MRTFA: variants seen among roughly 807,000 people sequenced by gnomAD.
MRTFA encodes myocardin related transcription factor A.
MRTFA carries 20 observed loss-of-function variants against 83.5 expected under a neutral mutation model. The observed-to-expected ratio is 0.24, with a 90% CI of 0.17 to 0.35. The LOEUF (loss-of-function observed/expected upper bound fraction) is 0.35. MRTFA is among the 10% of genes least tolerant of loss of function. The pLI is 1.00. For missense variants in MRTFA, 1,200 were observed against 1,224.7 expected (o/e 0.98, Z 0.30); for synonymous variants, 659 against 541.2 (o/e 1.22, Z -3.02).
intron 2 of MRTFA, among the ~76,000 whole-genome samples, chr22:40,591,112 C>T (rs879496845): frequency 7.9e-5 from 12 of 151,818 alleles, no homozygotes; most frequent in African/African-American, 2.7e-4. Context: ...TCCAGCCTGG[C>T]GACAGAGCGA....
chr22:40,520,021 C>T (rs1418232556), intron 3 of MRTFA, among the ~76,000 whole-genome samples: 2 of 152,326 alleles, frequency 1.3e-5, no homozygotes, highest in Admixed American at 6.5e-5. Flanking sequence ...CTGACAATTG[C>T]ATATGCCTGT....
chr22:40,521,828 A>C (rs1053134424), intron 3 of MRTFA: 5 of 151,382 alleles, frequency 3.3e-5, no homozygotes, highest in Admixed American at 1.3e-4. Context: ...GTACAAGGTA[A>C]GAGTCAATGT....
intron 9 of MRTFA, among the ~76,000 whole-genome samples, chr22:40,421,893 T>C (rs1473535343): frequency 6.6e-6 from 1 of 152,084 alleles, no homozygotes; most frequent in Non-Finnish European, 1.5e-5. Flanking sequence ...CTAGACCTTG[T>C]GGCAATGAGG....
chr22:40,553,788 G>A (rs1602420992), intron 2 of MRTFA, among the ~76,000 whole-genome samples: 1 of 152,266 alleles, frequency 6.6e-6, no homozygotes, highest in African/African-American at 2.4e-5. Context: ...CCAGACCCCA[G>A]AATGGTAGAT....
chr22:40,627,718 A>AGCG (rs2147446390), intron 1 of MRTFA, among the ~76,000 whole-genome samples: 1 of 152,326 alleles, frequency 6.6e-6, no homozygotes, highest in East Asian at 1.9e-4. Context: ...GGCCAGGCAC[A>AGCG]GCGGCTCATG....
chr22:40,634,881 T>C (rs2056677855), intron 1 of MRTFA, among the ~76,000 whole-genome samples: 1 of 152,232 alleles, frequency 6.6e-6, no homozygotes, highest in Non-Finnish European at 1.5e-5. Context: ...TTTTGGGTGA[T>C]GGGATACATA....
In MRTFA at chr22:40,418,577, C is replaced by T. The variant is rs202029832; in HGVS notation, c.2161G>A (p.Val721Met). ...TGCAAGGCTTCCTGCTTCACCACCA[C>T]GGACGGGGGCCCCGGGGCCACAGCA... Residue 721 changes from valine (V) to methionine (M), a missense_variant, in exon 12 of 15, where the codon GTG (valine) becomes ATG (methionine). Val to Met is a conservative substitution (Grantham distance 21). This residue lies in a region of MRTFA where 1,107 missense variants were observed against 1,041.8 expected (regional missense o/e 1.06). Coordinates refer to ENST00000355630, the MANE Select transcript of MRTFA (RefSeq NM_020831.6). 8.7e-5 allele frequency: 135 copies of T among 1,554,192 alleles called. 1 individual carries two copies. Among genetic ancestry groups the T allele is most frequent in the East Asian group, 2.7e-4 (12 of 44,586 alleles).
At chr22:40,526,873 G>T (rs2054983659) in intron 3 of MRTFA, among the ~76,000 whole-genome samples, 1 of 152,124 alleles carries the variant, frequency 6.6e-6, no homozygotes, top group Non-Finnish European at 1.5e-5. Context: ...GCAGAGGTGG[G>T]AGGACTGCTT....
intron 2 of MRTFA, among the ~76,000 whole-genome samples, chr22:40,559,282 AGGC>A (rs963120167): frequency 9.9e-5 from 15 of 152,076 alleles, no homozygotes; most frequent in Non-Finnish European, 2.2e-4. Context: ...GCTACTCCTG[AGGC>A]TGAGGTAAGA....
At chr22:40,489,707 G>A (rs1330159608) in intron 3 of MRTFA, among the ~76,000 whole-genome samples, 1 of 152,064 alleles carries the variant, frequency 6.6e-6, no homozygotes, top group Non-Finnish European at 1.5e-5. Flanking sequence ...AGCCGGGCAT[G>A]GTGGCTCACT....
chr22:40,569,576 T>C (rs997228493), intron 2 of MRTFA: 5 of 152,096 alleles, frequency 3.3e-5, no homozygotes, highest in African/African-American at 1.2e-4. Flanking sequence ...ATACAAAAAT[T>C]AGTTGGGCAC....
chr22:40,415,201 G>GT (rs1456228837), intron 14 of MRTFA: 1 of 152,408 alleles, frequency 6.6e-6, no homozygotes, highest in Non-Finnish European at 1.5e-5. Flanking sequence ...TATCTCTGGG[G>GT]TAGCACCTCC....
chr22:40,560,826 T>C (rs934579405), intron 2 of MRTFA, among the ~76,000 whole-genome samples: 1 of 152,148 alleles, frequency 6.6e-6, no homozygotes, highest in African/African-American at 2.4e-5. Flanking sequence ...TAGGGCTGCA[T>C]GCCTTCTGCC....
chr22:40,508,513 CAAAAAAAAAAAAAAAAAA>C (rs1175724448), intron 3 of MRTFA, among the ~76,000 whole-genome samples: 2 of 26,040 alleles, frequency 7.7e-5, no homozygotes, highest in East Asian at 2.9e-3. Flanking sequence ...CTCCGTCTCT[CAAAAAAAAAAAAAAAAAA>C]AAAAAAAAAG....
At chr22:40,591,073 T>G (rs2056113859) in intron 2 of MRTFA, among the ~76,000 whole-genome samples, 1 of 152,122 alleles carries the variant, frequency 6.6e-6, no homozygotes, top group Non-Finnish European at 1.5e-5. Context: ...AGGTGGAGGC[T>G]GCAGTGAGCT....
chr22:40,500,842 C>T (rs1401414261), intron 3 of MRTFA, among the ~76,000 whole-genome samples: 1 of 151,664 alleles, frequency 6.6e-6, no homozygotes, highest in Non-Finnish European at 1.5e-5. Flanking sequence ...TTTTCCCCAC[C>T]TTTCCAGCCT....
chr22:40,420,571 G>C lies in MRTFA; in HGVS notation c.1187C>G (p.Ala396Gly). 1 of 1,613,008 alleles carries C rather than the reference G, an allele frequency of 6.2e-7. No individual in the cohort carries two copies. Among genetic ancestry groups the C allele is most frequent in the South Asian group, 1.1e-5 (1 of 91,054 alleles). ...CCCGCTGCTTCCCAGGGCCTCGCCTGCTGACCTGGGAAGAAAAGGCAGAAA... is the reference window on the plus strand; with the variant it reads ...CCCGCTGCTTCCCAGGGCCTCGCCTCCTGACCTGGGAAGAAAAGGCAGAAA... Residue 396 changes from alanine (A) to glycine (G), a missense_variant, in exon 11 of 15, where the codon GCA becomes GGA. By Grantham distance (60) the Ala-to-Gly change is moderately conservative (BLOSUM62 0). This residue lies in a region of MRTFA where 1,107 missense variants were observed against 1,041.8 expected (regional missense o/e 1.06). Transcript: ENST00000355630.
At chr22:40,532,649 G>T (rs537238489) in intron 3 of MRTFA, among the ~76,000 whole-genome samples, 2 of 152,326 alleles carry the variant, frequency 1.3e-5, no homozygotes, top group South Asian at 4.1e-4. Context: ...GATAGCATCT[G>T]ATCCTGTCTT....
At chr22:40,519,994 G>A (rs1400634339) in intron 3 of MRTFA, among the ~76,000 whole-genome samples, 2 of 152,168 alleles carry the variant, frequency 1.3e-5, no homozygotes, top group Non-Finnish European at 2.9e-5. Flanking sequence ...TTCACCTAGT[G>A]TACAATTCAA....
Sources: gnomAD v4.1 joint callset for allele counts (sites outside exome capture counted in the v4.1 genomes callset) on GRCh38, gnomAD v4.1.1 for gene constraint, gnomAD v4.1.1 regional missense constraint, MANE v1.5 for transcripts, NCBI Gene and HGNC (gene_info 2026-07-23, HGNC 2026-07-21) for gene names.